The following HKDC1 variants were observed in gnomAD, a reference collection of about 807,000 sequenced individuals.
HKDC1 encodes the protein hexokinase domain containing 1, also known as hexokinase HKDC1.
In HKDC1, 66 loss-of-function variants were observed where a neutral mutation model predicts 96.6. The ratio of observed to expected loss-of-function variants is 0.68; its 90% CI spans 0.56 to 0.84. The LOEUF (loss-of-function observed/expected upper bound fraction) is 0.84, where lower values mean the gene tolerates loss of function less well. HKDC1 is among the 40% of genes least tolerant of loss of function. The pLI is 0.00. For synonymous variants in HKDC1, 466 were observed against 473.1 expected, an observed-to-expected ratio of 0.98 and a Z score of 0.20; for missense variants, 1,211 against 1,208.1, an observed-to-expected ratio of 1.00 and a Z score of -0.04.
chr10:69,221,974 C>T (rs1485400568), intron 1 of HKDC1, among the ~76,000 whole-genome samples: 1 of 151,898 alleles, frequency 6.6e-6, no homozygotes, highest in Non-Finnish European at 1.5e-5. Flanking sequence ...ATAATCCCAG[C>T]ACTTTGGGAG....
At chr10:69,256,236 C>G (rs1401024878) in intron 12 of HKDC1, among the ~76,000 whole-genome samples, 1 of 152,230 alleles carries the variant, frequency 6.6e-6, no homozygotes, top group Non-Finnish European at 1.5e-5. Context: ...ATCAAATGTT[C>G]TCTTACAGTG....
chr10:69,235,786 A>G (rs1843351397), intron 4 of HKDC1, among the ~76,000 whole-genome samples: 2 of 152,178 alleles, frequency 1.3e-5, no homozygotes, highest in Admixed American at 1.3e-4. Flanking sequence ...GGATTTTGTC[A>G]TTTATCTATG....
At position 69,261,586 on chromosome 10, in the gene HKDC1, T is replaced by C. The variant is rs925840978; in HGVS notation, c.2372+292T>C. 10 of 276,824 alleles carry C rather than the reference T, an allele frequency of 3.6e-5. No individual in the cohort carries two copies. In the South Asian group the frequency reaches 7.7e-4, roughly 21 times the overall value. 17.1% of individuals were successfully genotyped at this position (276,824 alleles called of 1,614,324 possible). On this transcript the variant is annotated intron_variant, in intron 16 of 17. Transcript: ENST00000354624. ...CAGTTCATCTATAAATATTTCATAA[T>C]GTATTTCTGAAATATAAGGATTCTT...
At chr10:69,257,545 A>G (rs1264160341) in intron 14 of HKDC1, 119 bp downstream of exon 14, 8 of 820,618 alleles carry the variant, frequency 9.7e-6, no homozygotes, top group Non-Finnish European at 1.6e-5. Flanking sequence ...CAAGGCAGAG[A>G]TGAAGTTACA....
chr10:69,226,889 C>T (rs537690555), intron 1 of HKDC1, among the ~76,000 whole-genome samples: 2 of 152,286 alleles, frequency 1.3e-5, no homozygotes, highest in African/African-American at 2.4e-5. Flanking sequence ...AACTGGGAAT[C>T]GGAAACCCTG....
rs982946284 is a variant in HKDC1, at chr10:69,267,550, A to G, written c.*793A>G. 8.9e-6 allele frequency: 4 copies of G among 449,966 alleles called. No individual in the cohort carries two copies. The highest frequency in any genetic ancestry group is 1.8e-5 in the Non-Finnish European group (4 of 225,238). The allele number at this position is 449,966 out of a possible 1,614,324, so 27.9% of individuals were successfully genotyped here. On this transcript the variant is annotated 3_prime_UTR_variant, in exon 18 of 18. Transcript: ENST00000354624. Reference sequence around the variant, plus strand: ...AATAAAAAAATTTTGATTTTCCAATAAACTTTGCATGAAGTGGTGATATTT... The same window carrying G: ...AATAAAAAAATTTTGATTTTCCAATGAACTTTGCATGAAGTGGTGATATTT...
intron 2 of HKDC1, among the ~76,000 whole-genome samples, chr10:69,229,743 C>T (rs1043243172): frequency 2.6e-5 from 4 of 152,144 alleles, no homozygotes; most frequent in Admixed American, 2.0e-4. Context: ...CGCCCAGCTC[C>T]CCATCCCCGT....
intron 4 of HKDC1, 148 bp downstream of exon 4, chr10:69,233,281 T>A: frequency 8.8e-7 from 1 of 1,135,698 alleles, no homozygotes; most frequent in Non-Finnish European, 1.2e-6. Context: ...GGTGGCAGCG[T>A]GAGGCAGAGA....
chr10:69,247,942 GAAGT>G (rs1447743929), intron 9 of HKDC1, among the ~76,000 whole-genome samples: 2 of 152,160 alleles, frequency 1.3e-5, no homozygotes, highest in Non-Finnish European at 2.9e-5. Flanking sequence ...TTAAGGCTGG[GAAGT>G]AAGATACACC....
At chr10:69,240,875 G>A (rs1489423719) in intron 6 of HKDC1, 124 bp downstream of exon 6, 3 of 646,406 alleles carry the variant, frequency 4.6e-6, no homozygotes, top group Non-Finnish European at 8.3e-6. Flanking sequence ...AGCAACATAG[G>A]GACATGAAAA....
chr10:69,238,976 T>C, intron 4 of HKDC1, 66 bp from the exon 5 acceptor site: 1 of 1,165,232 alleles, frequency 8.6e-7, no homozygotes, highest in Non-Finnish European at 1.3e-6. Context: ...GGCATGAAGT[T>C]TCTGCGGCTC....
In HKDC1 at chr10:69,266,770, T is replaced by C. The variant is rs747543111; in HGVS notation, c.*13T>C. 4.3e-6 allele frequency: 7 copies of C among 1,610,174 alleles called. No individual in the cohort carries two copies. Among genetic ancestry groups the C allele is most frequent in the South Asian group, 1.1e-5 (1 of 90,104 alleles). ...GAAGGAGAACTAGGAACCCCTGGGA[T>C]TGGACCTGATGCATCTTGGATACTG... On this transcript the variant is annotated 3_prime_UTR_variant, in exon 18 of 18. Coordinates refer to ENST00000354624, the MANE Select transcript of HKDC1 (RefSeq NM_025130.4).
intron 5 of HKDC1, among the ~76,000 whole-genome samples, chr10:69,239,443 G>A (rs1430231186): frequency 6.6e-6 from 1 of 152,154 alleles, no homozygotes; most frequent in Non-Finnish European, 1.5e-5. Flanking sequence ...CTGTGTGTAG[G>A]CCCCACACGC....
At chr10:69,226,806 T>A (rs1318871614) in intron 1 of HKDC1, among the ~76,000 whole-genome samples, 1 of 152,190 alleles carries the variant, frequency 6.6e-6, no homozygotes, top group Non-Finnish European at 1.5e-5. Context: ...AGCTTCCATG[T>A]TTAGAAATCT....
At chr10:69,228,343 A>G (rs144662899) in intron 2 of HKDC1, among the ~76,000 whole-genome samples, 1 of 152,232 alleles carries the variant, frequency 6.6e-6, no homozygotes, top group African/African-American at 2.4e-5. Context: ...ATAATCTCCC[A>G]ACTTCAAGGT....
At chr10:69,256,035 T>C (rs1843713062) in intron 12 of HKDC1, among the ~76,000 whole-genome samples, 2 of 152,124 alleles carry the variant, frequency 1.3e-5, no homozygotes, top group African/African-American at 2.4e-5. Context: ...GGAAAAGTGA[T>C]GCATAATTTT....
intron 1 of HKDC1, among the ~76,000 whole-genome samples, chr10:69,223,444 A>G (rs1843099282): frequency 6.6e-6 from 1 of 152,178 alleles, no homozygotes; most frequent in Non-Finnish European, 1.5e-5. Flanking sequence ...CTTCATTATC[A>G]TCATAATTAT....
chr10:69,227,341 C>T lies in HKDC1; in HGVS notation c.198C>T (p.Thr66=), dbSNP rs1467477224. Residue 66 remains threonine (T), a synonymous_variant, in exon 2 of 18, where the codon ACC becomes ACT. Coordinates refer to ENST00000354624, the MANE Select transcript of HKDC1 (RefSeq NM_025130.4). ...NPTAAVKMLP[T]FVRAIPDGSE... ...CGGCTGCAGTGAAGATGTTGCCCAC[C>T]TTCGTCAGGGCCATTCCCGATGGTT... 3.7e-6 allele frequency: 6 copies of T among 1,614,070 alleles called. No individual in the cohort carries two copies. Among genetic ancestry groups the T allele is most frequent in the South Asian group, 3.3e-5 (3 of 91,090 alleles).
At chr10:69,236,010 C>T (rs1405205518) in intron 4 of HKDC1, among the ~76,000 whole-genome samples, 1 of 152,140 alleles carries the variant, frequency 6.6e-6, no homozygotes, top group East Asian at 1.9e-4. Context: ...GCCACACAAC[C>T]AAGAGTAGCC....
Sources: gnomAD v4.1 joint callset for allele counts (sites outside exome capture counted in the v4.1 genomes callset) on GRCh38, gnomAD v4.1.1 for gene constraint, MANE v1.5 for transcripts, NCBI Gene and HGNC (gene_info 2026-07-23, HGNC 2026-07-21) for gene names.